LYPLAL1: variants seen among roughly 807,000 people sequenced by gnomAD.
The protein encoded by LYPLAL1 is lysophospholipase like 1, also known as lysophospholipase-like protein 1.
In LYPLAL1, 23 loss-of-function variants were observed where a neutral mutation model predicts 19.7. That is an observed-to-expected ratio of 1.17 (90% CI 0.84 to 1.65). The LOEUF is 1.65. Among genes scored for constraint, LYPLAL1 ranks in the 40% most tolerant of loss-of-function variants. LYPLAL1 has a pLI of 0.00. For missense variants in LYPLAL1, 355 were observed against 279.4 expected (o/e 1.27, Z -1.93); for synonymous variants, 119 against 96.3 (o/e 1.24, Z -1.38).
At chr1:219,178,440 C>A (rs888476971) in intron 1 of LYPLAL1, among the ~76,000 whole-genome samples, 1 of 152,182 alleles carries the variant, frequency 6.6e-6, no homozygotes, top group African/African-American at 2.4e-5. Context: ...AGTTTTTGAA[C>A]TGATACCTTA....
the LYPLAL1 span, among the ~76,000 whole-genome samples, chr1:219,284,114 C>G: frequency 6.6e-6 from 1 of 152,196 alleles, no homozygotes; most frequent in African/African-American, 2.4e-5. Flanking sequence ...TCTTTCTCCT[C>G]TCTCTCCTTC....
chr1:219,307,303 T>C, the LYPLAL1 span, among the ~76,000 whole-genome samples: 1 of 152,106 alleles, frequency 6.6e-6, no homozygotes, highest in Non-Finnish European at 1.5e-5. Flanking sequence ...CCACACAAGA[T>C]TTCACACTCT....
chr1:219,184,683 C>T (rs548024353), intron 2 of LYPLAL1, among the ~76,000 whole-genome samples: 2 of 151,800 alleles, frequency 1.3e-5, no homozygotes, highest in Non-Finnish European at 2.9e-5. Context: ...TTTCTGTGTC[C>T]TTTGAAATAG....
intron 2 of LYPLAL1, among the ~76,000 whole-genome samples, chr1:219,192,437 T>C (rs1464721702): frequency 6.6e-6 from 1 of 151,612 alleles, no homozygotes; most frequent in Non-Finnish European, 1.5e-5. Flanking sequence ...ATAGGCACTT[T>C]TGTCACTGGC....
At chr1:219,370,049 G>A in the LYPLAL1 span, among the ~76,000 whole-genome samples, 4 of 152,214 alleles carry the variant, frequency 2.6e-5, no homozygotes, top group Non-Finnish European at 5.9e-5. Context: ...GTCCTGGGAT[G>A]AGCCACACTC....
the LYPLAL1 span, among the ~76,000 whole-genome samples, chr1:219,257,235 G>GTA: frequency 6.6e-6 from 1 of 151,508 alleles, no homozygotes; most frequent in Non-Finnish European, 1.5e-5. Context: ...GTTAATAGCT[G>GTA]TATATATGTC....
At chr1:219,374,206 C>A in the LYPLAL1 span, among the ~76,000 whole-genome samples, 3 of 147,768 alleles carry the variant, frequency 2.0e-5, no homozygotes, top group African/African-American at 7.5e-5. Flanking sequence ...TTTAAATAGT[C>A]CAAACTTTTG....
chr1:219,334,326 T>C, the LYPLAL1 span, among the ~76,000 whole-genome samples: 29 of 152,060 alleles, frequency 1.9e-4, no homozygotes, highest in Admixed American at 1.6e-3. Flanking sequence ...CCCACTGCAA[T>C]TCTGCTCCCC....
the LYPLAL1 span, among the ~76,000 whole-genome samples, chr1:219,274,766 G>A: frequency 6.6e-6 from 1 of 152,246 alleles, no homozygotes; most frequent in Admixed American, 6.5e-5. Flanking sequence ...GAGTTTTAAG[G>A]ATTCAGTCTC....
chr1:219,408,416 A>G, the LYPLAL1 span, among the ~76,000 whole-genome samples: 4 of 152,094 alleles, frequency 2.6e-5, no homozygotes, highest in Non-Finnish European at 5.9e-5. Context: ...GTGGCTATGC[A>G]TGGGAGTTGA....
At chr1:219,226,142 T>C in the LYPLAL1 span, among the ~76,000 whole-genome samples, 5 of 152,204 alleles carry the variant, frequency 3.3e-5, no homozygotes, top group Non-Finnish European at 5.9e-5. Flanking sequence ...AACTCAAGGC[T>C]AAGGGCTATC....
At chr1:219,241,126 C>CTATATATATATATA in the LYPLAL1 span, among the ~76,000 whole-genome samples, 1 of 89,342 alleles carries the variant, frequency 1.1e-5, no homozygotes, top group Non-Finnish European at 2.4e-5. Flanking sequence ...CTCTCTCTCT[C>CTATATATATATATA]TCTCTCTCTA....
At chr1:219,269,167 G>T in the LYPLAL1 span, among the ~76,000 whole-genome samples, 1 of 152,318 alleles carries the variant, frequency 6.6e-6, no homozygotes, top group East Asian at 1.9e-4. Flanking sequence ...GAGAAGAGAG[G>T]AGTTTTTCTT....
chr1:219,316,688 C>CAT, the LYPLAL1 span, among the ~76,000 whole-genome samples: 14 of 152,202 alleles, frequency 9.2e-5, no homozygotes, highest in Admixed American at 3.9e-4. Flanking sequence ...GTGGTATGTA[C>CAT]ATATAGTGGA....
chr1:219,394,248 T>C, the LYPLAL1 span, among the ~76,000 whole-genome samples: 22 of 152,224 alleles, frequency 1.4e-4, no homozygotes, highest in African/African-American at 4.6e-4. Context: ...TGAAATCTTA[T>C]GAATTCAAAA....
At chr1:219,390,972 T>C in the LYPLAL1 span, among the ~76,000 whole-genome samples, 1 of 152,146 alleles carries the variant, frequency 6.6e-6, no homozygotes, top group Non-Finnish European at 1.5e-5. Flanking sequence ...AAGAATGGGA[T>C]GACTGAAACA....
the LYPLAL1 span, among the ~76,000 whole-genome samples, chr1:219,280,661 T>C: frequency 6.6e-6 from 1 of 152,200 alleles, no homozygotes; most frequent in African/African-American, 2.4e-5. Flanking sequence ...GAACACAATC[T>C]ACTCTCATAT....
At chr1:219,336,901 A>G in the LYPLAL1 span, among the ~76,000 whole-genome samples, 3 of 152,014 alleles carry the variant, frequency 2.0e-5, no homozygotes, top group Non-Finnish European at 4.4e-5. Context: ...CAAAATTACC[A>G]TAAATTTAAT....
the LYPLAL1 span, among the ~76,000 whole-genome samples, chr1:219,219,467 T>A: frequency 3.3e-4 from 50 of 152,304 alleles, 1 homozygote; most frequent in Non-Finnish European, 2.8e-4. Context: ...CCAATATCAG[T>A]CACAGGAACA....
Sources: allele counts gnomAD v4.1 joint callset (sites outside exome capture counted in the v4.1 genomes callset), GRCh38; gene constraint gnomAD v4.1.1; transcripts MANE v1.5; gene names NCBI Gene and HGNC (gene_info 2026-07-23, HGNC 2026-07-21).